Variants in NRXN3 observed in about 807,000 individuals in gnomAD.
The protein encoded by NRXN3 is neurexin 3, also known as neurexin III.
NRXN3 carries 32 observed loss-of-function variants against 137.6 expected under a neutral mutation model. The ratio of observed to expected loss-of-function variants is 0.23; its 90% CI spans 0.18 to 0.31. The LOEUF (loss-of-function observed/expected upper bound fraction) is 0.31, where lower values mean the gene tolerates loss of function less well. Among genes scored for constraint, NRXN3 ranks in the 10% least tolerant of loss-of-function variants. The pLI, the probability that NRXN3 is intolerant of heterozygous loss-of-function variation, is 1.00. For missense variants in NRXN3, 1,574 were observed against 2,062.5 expected (o/e 0.76, Z 4.59); for synonymous variants, 798 against 784.5 (o/e 1.02, Z -0.29).
chr14:79,057,046 G>A (rs777161381), intron 15 of NRXN3, among the ~76,000 whole-genome samples: 2 of 135,126 alleles, frequency 1.5e-5, no homozygotes, highest in African/African-American at 3.8e-5. Flanking sequence ...GAAGCTGTGA[G>A]TAAGACTGAA....
chr14:78,769,869 C>T lies in NRXN3; in HGVS notation c.2045-33751C>T, dbSNP rs1472269637. 2.7e-4 allele frequency among the ~76,000 whole-genome samples: 41 copies of T among 152,004 alleles called. 1 individual carries two copies. Among genetic ancestry groups the T allele is most frequent in the Admixed American group, 2.3e-3 (35 of 15,276 alleles). On this transcript the variant is annotated intron_variant, in intron 8 of 20. Coordinates refer to ENST00000335750, the MANE Select transcript of NRXN3 (RefSeq NM_001330195.2). ...CTTCCATCTATTGAGTGACTGGTTC[C>T]ACTTGGCTGAAGTATAAGGTAAGTT...
intron 8 of NRXN3, among the ~76,000 whole-genome samples, chr14:78,763,520 A>G (rs1484714840): frequency 6.6e-6 from 1 of 151,784 alleles, no homozygotes; most frequent in Non-Finnish European, 1.5e-5. Flanking sequence ...TAATATATTT[A>G]CAATTATAGC....
chr14:79,045,103 A>G (rs191881553), intron 15 of NRXN3, among the ~76,000 whole-genome samples: 1 of 152,288 alleles, frequency 6.6e-6, no homozygotes, highest in Non-Finnish European at 1.5e-5. Flanking sequence ...TGGCATAGAA[A>G]TATAGGAAAT....
intron 15 of NRXN3, among the ~76,000 whole-genome samples, chr14:79,026,950 TTATATATA>T (rs764640398): frequency 1.3e-4 from 18 of 135,082 alleles, no homozygotes; most frequent in African/African-American, 4.2e-4. Context: ...TATTATAATT[TTATATATA>T]TATATATATA....
chr14:78,783,386 A>G (rs901238166), intron 8 of NRXN3, among the ~76,000 whole-genome samples: 3 of 152,230 alleles, frequency 2.0e-5, no homozygotes, highest in Admixed American at 6.5e-5. Flanking sequence ...AAAGACAACA[A>G]AAGACTGAGG....
At chr14:79,801,643 A>G (rs916867478) in intron 19 of NRXN3, among the ~76,000 whole-genome samples, 9 of 152,108 alleles carry the variant, frequency 5.9e-5, no homozygotes, top group Non-Finnish European at 7.4e-5. Flanking sequence ...CATTCTTACG[A>G]CACACTGCTG....
intron 15 of NRXN3, among the ~76,000 whole-genome samples, chr14:79,434,858 A>G (rs993453148): frequency 5.9e-5 from 9 of 152,228 alleles, no homozygotes; most frequent in Non-Finnish European, 2.9e-5. Context: ...CCTAAATTGC[A>G]TAAACGGATC....
chr14:79,291,269 C>T (rs915307290), intron 15 of NRXN3, among the ~76,000 whole-genome samples: 1 of 152,076 alleles, frequency 6.6e-6, no homozygotes, highest in Non-Finnish European at 1.5e-5. Flanking sequence ...AGCAATTGAT[C>T]ACTTTTTATT....
intron 10 of NRXN3, among the ~76,000 whole-genome samples, chr14:78,902,046 C>A (rs969077954): frequency 6.6e-6 from 1 of 151,978 alleles, no homozygotes; most frequent in African/African-American, 2.4e-5. Context: ...GCATCAGTAC[C>A]GATCTACCTT....
chr14:79,263,114 G>T (rs766935290), intron 15 of NRXN3, among the ~76,000 whole-genome samples: 6 of 152,124 alleles, frequency 3.9e-5, no homozygotes, highest in Non-Finnish European at 7.3e-5. Context: ...AGGACACAAA[G>T]ACTTTATATT....
At chr14:79,757,011 C>T (rs749583032) in intron 19 of NRXN3, among the ~76,000 whole-genome samples, 10 of 152,224 alleles carry the variant, frequency 6.6e-5, no homozygotes, top group East Asian at 1.9e-4. Context: ...CTTGTTGGAA[C>T]GCCAAATTAG....
At chr14:79,717,102 C>T (rs2098826273) in intron 19 of NRXN3, among the ~76,000 whole-genome samples, 1 of 152,104 alleles carries the variant, frequency 6.6e-6, no homozygotes, top group South Asian at 2.1e-4. Flanking sequence ...GCTTCTTTCC[C>T]CAGAGTAGGA....
intron 15 of NRXN3, among the ~76,000 whole-genome samples, chr14:79,031,458 A>G (rs2152492836): frequency 6.6e-6 from 1 of 152,290 alleles, no homozygotes; most frequent in Middle Eastern, 3.4e-3. Context: ...GGGAATAAGA[A>G]ACTATAAGAG....
At chr14:78,252,171 T>TA (rs1291688192) in intron 2 of NRXN3, among the ~76,000 whole-genome samples, 2 of 142,920 alleles carry the variant, frequency 1.4e-5, no homozygotes, top group African/African-American at 5.6e-5. Flanking sequence ...TTTTTTTTTT[T>TA]AAATCCTGGA....
At chr14:78,347,853 C>T (rs1469889063) in intron 4 of NRXN3, among the ~76,000 whole-genome samples, 1 of 152,032 alleles carries the variant, frequency 6.6e-6, no homozygotes, top group African/African-American at 2.4e-5. Flanking sequence ...TGCCCAACCT[C>T]CCTGGCTCAA....
rs532089664 is a variant in NRXN3, at chr14:79,545,967, G to C, written c.3444+78565G>C. 2.4e-4 allele frequency among the ~76,000 whole-genome samples: 37 copies of C among 152,220 alleles called. 1 individual carries two copies. The highest frequency in any genetic ancestry group is 8.7e-4 in the African/African-American group (36 of 41,534). ...GAATCATGGGGGTAGGTATTTCCCA[G>C]GGTGTTCTCCTGATAGTGAGTAAGT... On this transcript the variant is annotated intron_variant, in intron 16 of 20. Coordinates refer to ENST00000335750, the MANE Select transcript of NRXN3 (RefSeq NM_001330195.2).
intron 15 of NRXN3, among the ~76,000 whole-genome samples, chr14:79,062,583 G>A (rs1399644372): frequency 1.3e-5 from 2 of 152,212 alleles, no homozygotes; most frequent in Non-Finnish European, 2.9e-5. Context: ...GAGGGAGCAA[G>A]AGCAATGATG....
At chr14:78,957,448 T>G in intron 11 of NRXN3, 87 bp downstream of exon 11, 1 of 1,435,776 alleles carries the variant, frequency 7.0e-7, no homozygotes, top group Non-Finnish European at 9.5e-7. Flanking sequence ...GCAAAACCTT[T>G]TATTTTGCAT....
chr14:79,750,004 G>T (rs2098992226), intron 19 of NRXN3, among the ~76,000 whole-genome samples: 1 of 152,158 alleles, frequency 6.6e-6, no homozygotes, highest in South Asian at 2.1e-4. Context: ...CTTGCTTTCA[G>T]ATAATTTTGA....
Sources: gnomAD v4.1 joint callset for allele counts (sites outside exome capture counted in the v4.1 genomes callset) on GRCh38, gnomAD v4.1.1 for gene constraint, MANE v1.5 for transcripts, NCBI Gene and HGNC (gene_info 2026-07-23, HGNC 2026-07-21) for gene names.